Variants in AFG2A observed in about 807,000 individuals in gnomAD.
AFG2A encodes AAA ATPase AFG2A.
the AFG2A span, among the ~76,000 whole-genome samples, chr4:123,007,608 G>GTGTGTGTA: frequency 0.011 from 194 of 18,054 alleles, 1 homozygote; most frequent in Middle Eastern, 0.024. Flanking sequence ...GTGTGTGTGT[G>GTGTGTGTA]TATATATATA....
At chr4:122,983,670 C>T in the AFG2A span, among the ~76,000 whole-genome samples, 21 of 151,980 alleles carry the variant, frequency 1.4e-4, no homozygotes, top group Non-Finnish European at 2.4e-4. Flanking sequence ...AGAAAAGATA[C>T]GTGATATGAT....
At chr4:122,944,769 A>G in the AFG2A span, among the ~76,000 whole-genome samples, 1 of 151,558 alleles carries the variant, frequency 6.6e-6, no homozygotes, top group Admixed American at 6.6e-5. Context: ...TTGTGGTTTT[A>G]TCTTTGTTTG....
the AFG2A span, among the ~76,000 whole-genome samples, chr4:122,952,288 G>C: frequency 1.3e-5 from 2 of 152,060 alleles, no homozygotes; most frequent in East Asian, 3.9e-4. Flanking sequence ...GCTACATCTA[G>C]TTCACAGGCT....
At chr4:123,303,527 G>T in the AFG2A span, among the ~76,000 whole-genome samples, 2 of 152,156 alleles carry the variant, frequency 1.3e-5, no homozygotes, top group Non-Finnish European at 2.9e-5. Flanking sequence ...ACACTTGGGA[G>T]GCCAGCTGGG....
the AFG2A span, among the ~76,000 whole-genome samples, chr4:123,119,806 A>G: frequency 6.6e-6 from 1 of 152,158 alleles, no homozygotes; most frequent in African/African-American, 2.4e-5. Context: ...AGGCTGGGTA[A>G]TTTATAAAGG....
chr4:123,089,851 G>T, the AFG2A span, among the ~76,000 whole-genome samples: 5 of 152,064 alleles, frequency 3.3e-5, no homozygotes, highest in African/African-American at 7.2e-5. Context: ...GCCTCCCAAA[G>T]GTTTTACAGA....
chr4:122,992,870 G>C, the AFG2A span, among the ~76,000 whole-genome samples: 1 of 151,864 alleles, frequency 6.6e-6, no homozygotes, highest in Admixed American at 6.6e-5. Context: ...TTACAATCTA[G>C]GAATATGCTA....
chr4:122,930,337 A>C, the AFG2A span, among the ~76,000 whole-genome samples: 16 of 152,228 alleles, frequency 1.1e-4, no homozygotes, highest in African/African-American at 3.9e-4. Flanking sequence ...ATCTTTTTAT[A>C]CTTTAATGTC....
At chr4:122,964,203 T>G in the AFG2A span, among the ~76,000 whole-genome samples, 1 of 152,080 alleles carries the variant, frequency 6.6e-6, no homozygotes. Context: ...CAACTATAGG[T>G]TGGTGCAAAA....
At chr4:123,028,114 T>C in the AFG2A span, 17 of 1,276,598 alleles carry the variant, frequency 1.3e-5, no homozygotes, top group East Asian at 1.2e-4. Context: ...GTTAATGATA[T>C]GTTTTTTATT....
the AFG2A span, among the ~76,000 whole-genome samples, chr4:123,217,810 C>G: frequency 6.6e-6 from 1 of 152,036 alleles, no homozygotes; most frequent in African/African-American, 2.4e-5. Flanking sequence ...TTGTTTTTTT[C>G]CTCTCTTTAC....
the AFG2A span, among the ~76,000 whole-genome samples, chr4:122,977,320 G>C: frequency 6.6e-6 from 1 of 152,214 alleles, no homozygotes. Context: ...GAGCAGTGAA[G>C]GGGGTGTGAG....
At chr4:123,016,321 T>C in the AFG2A span, among the ~76,000 whole-genome samples, 124,628 of 149,648 alleles carry the variant, frequency 0.83, 52,917 homozygotes, top group East Asian at 0.95. Context: ...CCTCACTTCC[T>C]AGACGGGGTG....
chr4:123,128,163 A>G, the AFG2A span, among the ~76,000 whole-genome samples: 4 of 152,224 alleles, frequency 2.6e-5, no homozygotes, highest in African/African-American at 7.2e-5. Context: ...GTGTTCCACA[A>G]ATGATACCCT....
the AFG2A span, among the ~76,000 whole-genome samples, chr4:123,002,022 CTCT>C: frequency 6.6e-6 from 1 of 152,146 alleles, no homozygotes; most frequent in African/African-American, 2.4e-5. Context: ...GGATAGTTAG[CTCT>C]TCTTGTTGAA....
chr4:123,287,304 G>T, the AFG2A span, among the ~76,000 whole-genome samples: 1 of 152,082 alleles, frequency 6.6e-6, no homozygotes, highest in Non-Finnish European at 1.5e-5. Context: ...TTTGTGGAAG[G>T]CTGGCCAAGA....
chr4:122,947,505 A>G, the AFG2A span: 5 of 1,585,250 alleles, frequency 3.2e-6, no homozygotes, highest in East Asian at 6.8e-5. Flanking sequence ...GTGGTTTGCT[A>G]TGGTGAGTCT....
At chr4:122,975,622 C>T in the AFG2A span, among the ~76,000 whole-genome samples, 4 of 152,098 alleles carry the variant, frequency 2.6e-5, no homozygotes, top group African/African-American at 9.7e-5. Flanking sequence ...GGCTACCTGA[C>T]ACCTGAGCCT....
the AFG2A span, among the ~76,000 whole-genome samples, chr4:122,961,834 C>T: frequency 1.3e-5 from 2 of 152,168 alleles, no homozygotes; most frequent in African/African-American, 2.4e-5. Flanking sequence ...TTTGGGTCAT[C>T]CCAGATGTGA....
Sources: gnomAD v4.1 joint callset for allele counts (sites outside exome capture counted in the v4.1 genomes callset) on GRCh38, gnomAD v4.1.1 for gene constraint, MANE v1.5 for transcripts, NCBI Gene and HGNC (gene_info 2026-07-23, HGNC 2026-07-21) for gene names.